Variants in LRCH3 observed in about 807,000 individuals in gnomAD.
The protein encoded by LRCH3 is leucine rich repeats and calponin homology domain containing 3.
In LRCH3, 68 loss-of-function variants were observed where a neutral mutation model predicts 104.5. The ratio of observed to expected loss-of-function variants is 0.65; its 90% CI spans 0.54 to 0.80. LRCH3 has a LOEUF of 0.80. Ranked by LOEUF, LRCH3 falls within the 30% of genes least tolerant of loss-of-function variation. The pLI is 0.00. For synonymous variants in LRCH3, 344 were observed against 361.3 expected, an observed-to-expected ratio of 0.95 and a Z score of 0.54; for missense variants, 951 against 953.9, an observed-to-expected ratio of 1.00 and a Z score of 0.04.
intron 15 of LRCH3, among the ~76,000 whole-genome samples, chr3:197,863,862 G>T (rs1391660057): frequency 6.6e-6 from 1 of 152,124 alleles, no homozygotes; most frequent in Non-Finnish European, 1.5e-5. Context: ...AGAGAAAAAA[G>T]TACTTTAGAA....
chr3:197,820,268 A>T, intron 3 of LRCH3, 57 bp from the exon 4 acceptor site: 1 of 1,232,688 alleles, frequency 8.1e-7, no homozygotes, highest in Non-Finnish European at 1.2e-6. Flanking sequence ...TAGACAGTTT[A>T]AAGCAGACAA....
chr3:197,860,604 TTTTTTAC>T (rs1740762266), intron 15 of LRCH3, among the ~76,000 whole-genome samples: 1 of 147,288 alleles, frequency 6.8e-6, no homozygotes, highest in Non-Finnish European at 1.5e-5. Context: ...TGTCCTTTTT[TTTTTTAC>T]TTTTTAATTT....
chr3:197,831,024 T>C, intron 7 of LRCH3, 161 bp downstream of exon 7: 1 of 569,570 alleles, frequency 1.8e-6, no homozygotes, highest in South Asian at 2.3e-5. Flanking sequence ...GAATTGGCAT[T>C]CTGCGTCCTT....
chr3:197,833,941 T>C (rs1014527172), intron 8 of LRCH3, among the ~76,000 whole-genome samples: 3 of 152,254 alleles, frequency 2.0e-5, no homozygotes, highest in Non-Finnish European at 4.4e-5. Context: ...CTAATGTGGA[T>C]GTAAACTTAG....
intron 5 of LRCH3, among the ~76,000 whole-genome samples, chr3:197,827,624 G>A (rs1735378911): frequency 6.6e-6 from 1 of 152,146 alleles, no homozygotes; most frequent in Admixed American, 6.5e-5. Flanking sequence ...GTTTCCAGAA[G>A]TATTTTTCCT....
chr3:197,883,290 A>G lies in LRCH3; in HGVS notation c.2209-251A>G. The G allele has an allele frequency of 7.9e-7, 1 of 1,268,696 alleles. No homozygotes were observed. 78.6% of individuals were successfully genotyped at this position (1,268,696 alleles called of 1,614,324 possible). A position where few individuals can be genotyped will look rare whatever the true frequency, so the allele number is the denominator to read the frequency against. The stretch of plus-strand genomic sequence containing the variant: ...TTCCCTCTGTTGTATGTATAGATAT[A>G]TGCTACTTGTCAATTTTCCAATTTT... On this transcript the variant is annotated intron_variant, in intron 20 of 20. Transcript: ENST00000425562. This position sits in a 1 kb window ranked among gnomAD's most constrained non-coding sequence, Gnocchi z 4.2.
chr3:197,854,277 CGTCTTCAAAAGTAT>C lies in LRCH3; in HGVS notation c.1591-109_1591-96del. 1 of 895,230 alleles carries C rather than the reference CGTCTTCAAAAGTAT, an allele frequency of 1.1e-6. No individual in the cohort carries two copies. The highest frequency in any genetic ancestry group is 1.3e-5 in the South Asian group (1 of 74,878). The allele number at this position is 895,230 out of a possible 1,614,324, so 55.5% of individuals were successfully genotyped here. A position where few individuals can be genotyped will look rare whatever the true frequency, so the allele number is the denominator to read the frequency against. ...TTGTGAATGTGGTCCTCTATGTCAA[CGTCTTCAAAAGTAT>C]GTCTTAATATGTCTCTTCCCTTGTG... On this transcript the variant is annotated intron_variant, in intron 13 of 20. Transcript: ENST00000425562. This position sits in a 1 kb window ranked among gnomAD's most constrained non-coding sequence, Gnocchi z 4.5.
rs1381223619 is a variant in LRCH3, at chr3:197,791,323, C to T, written c.45C>T (p.Tyr15=). ...GLVAVAAAAE[Y]SGTVASGGNL... ...TCGCTGTGGCAGCGGCTGCCGAGTA[C>T]TCTGGCACGGTAGCGTCGGGAGGTA... The change falls in exon 1 of 21, where the codon TAC becomes TAT. Residue 15 remains tyrosine (Y), a synonymous_variant. Coordinates refer to ENST00000425562, the MANE Select transcript of LRCH3 (RefSeq NM_001365715.1). The T allele has an allele frequency of 1.2e-6, 2 of 1,609,644 alleles. No individual in the cohort carries two copies. The highest frequency in any genetic ancestry group is 1.3e-5 in the African/African-American group (1 of 74,812).
chr3:197,883,541 G>T lies in LRCH3; in HGVS notation c.2209G>T (p.Glu737Ter). The T allele has an allele frequency of 6.5e-7, 1 of 1,534,626 alleles. No individual in the cohort carries two copies. The highest frequency in any genetic ancestry group is 1.2e-5 in the South Asian group (1 of 83,812). Reference protein sequence around the residue: ...EACRKIGVPQEQLCLPLHILE... With the variant: ...EACRKIGVPQ ...TTTCATGTTACGTTGTCCCTTTCAG[G>T]AGCAATTATGTTTGCCTCTCCACAT... The change falls in exon 21 of 21, where the codon GAG becomes TAG. Residue 737 changes from glutamate (E) to a stop codon, truncating the protein, a stop_gained and splice_region_variant. Coordinates refer to ENST00000425562, the MANE Select transcript of LRCH3 (RefSeq NM_001365715.1). LOFTEE classifies it high-confidence loss of function. This position sits in a 1 kb window ranked among gnomAD's most constrained non-coding sequence, Gnocchi z 4.2.
intron 1 of LRCH3, among the ~76,000 whole-genome samples, chr3:197,809,124 G>A (rs771896773): frequency 2.0e-5 from 3 of 151,874 alleles, no homozygotes; most frequent in East Asian, 1.9e-4. Context: ...ATAGTGAGAC[G>A]TCTTCTCTAC....
intron 1 of LRCH3, among the ~76,000 whole-genome samples, chr3:197,808,046 C>T (rs946744731): frequency 2.6e-5 from 4 of 152,056 alleles, no homozygotes; most frequent in Non-Finnish European, 2.9e-5. Context: ...GAATTTTGTC[C>T]GTCACCCACA....
chr3:197,882,897 G>A, intron 20 of LRCH3: 1 of 985,002 alleles, frequency 1.0e-6, no homozygotes, highest in Non-Finnish European at 1.2e-6. Context: ...TTCAAATACT[G>A]CTTTTAATTC....
chr3:197,831,179 C>CTAA (rs1560553189), intron 7 of LRCH3: 1 of 220,194 alleles, frequency 4.5e-6, no homozygotes, highest in Non-Finnish European at 9.1e-6. Flanking sequence ...AGCAGAGGTG[C>CTAA]TAGATGGTGA....
At chr3:197,879,700 C>T (rs1313855545) in intron 20 of LRCH3, among the ~76,000 whole-genome samples, 1 of 152,200 alleles carries the variant, frequency 6.6e-6, no homozygotes, top group Non-Finnish European at 1.5e-5. Context: ...ATGCATTTGG[C>T]TTCTGGGTAG....
At chr3:197,804,652 C>G (rs1261579086) in intron 1 of LRCH3, among the ~76,000 whole-genome samples, 1 of 152,144 alleles carries the variant, frequency 6.6e-6, no homozygotes, top group Non-Finnish European at 1.5e-5. Context: ...TTTTAAAAGA[C>G]TGTTACTTGC....
At chr3:197,829,932 A>C (rs1735704097) in intron 6 of LRCH3, among the ~76,000 whole-genome samples, 1 of 152,128 alleles carries the variant, frequency 6.6e-6, no homozygotes, top group Admixed American at 6.6e-5. Flanking sequence ...ATTGTAAGAC[A>C]TTTACCAGCA....
intron 12 of LRCH3, among the ~76,000 whole-genome samples, chr3:197,849,006 G>A (rs916957988): frequency 5.3e-5 from 8 of 152,196 alleles, no homozygotes; most frequent in African/African-American, 1.9e-4. Context: ...GCTCACGCCT[G>A]TAGTCCCGGC....
chr3:197,880,724 A>T (rs1045312760), intron 20 of LRCH3: 1 of 1,536,376 alleles, frequency 6.5e-7, no homozygotes, highest in African/African-American at 1.4e-5. Flanking sequence ...GAAAGATTGC[A>T]CTCCGGTGAC....
At chr3:197,855,436 A>T (rs1232392393) in intron 14 of LRCH3, among the ~76,000 whole-genome samples, 1 of 152,156 alleles carries the variant, frequency 6.6e-6, no homozygotes, top group African/African-American at 2.4e-5. Context: ...AAATTATCTC[A>T]TTTACTCCTC....
Sources: gnomAD v4.1 joint callset for allele counts (sites outside exome capture counted in the v4.1 genomes callset) on GRCh38, gnomAD v4.1.1 for gene constraint, Gnocchi (gnomAD v3.1) non-coding constraint, MANE v1.5 for transcripts, NCBI Gene and HGNC (gene_info 2026-07-23, HGNC 2026-07-21) for gene names.